TOX: variants seen among roughly 807,000 people sequenced by gnomAD.
TOX encodes the protein thymocyte selection-associated high mobility group box protein TOX.
A neutral mutation model predicts 53.7 loss-of-function variants in TOX; 11 were observed. That is an observed-to-expected ratio of 0.20 (90% CI 0.13 to 0.34). The LOEUF (loss-of-function observed/expected upper bound fraction) is 0.34, where lower values mean the gene tolerates loss of function less well. Among genes scored for constraint, TOX ranks in the 10% least tolerant of loss-of-function variants. The probability of loss-of-function intolerance (pLI) is 1.00; values close to 1 mark genes in which losing one functional copy is unlikely to be tolerated. For synonymous variants in TOX, 225 were observed against 245.3 expected (o/e 0.92, Z 0.77); for missense variants, 570 against 664.6 (o/e 0.86, Z 1.56).
chr8:58,962,750 T>C (rs1748516116), intron 1 of TOX, among the ~76,000 whole-genome samples: 1 of 152,098 alleles, frequency 6.6e-6, no homozygotes, highest in Non-Finnish European at 1.5e-5. Context: ...AGGCTGCAGG[T>C]ATATTATCCA....
rs1053829380 is a variant in TOX, at chr8:58,806,726, T to A, written c.*1021A>T. The stretch of plus-strand genomic sequence containing the variant: ...TAAAGTATTCACACCAAGCGTGAAT[T>A]TTTTTTTGCCAGCAAAAGTTAAAAC... On this transcript the variant is annotated 3_prime_UTR_variant, in exon 9 of 9. Coordinates refer to ENST00000361421, the MANE Select transcript of TOX (RefSeq NM_014729.3). 3 of 152,420 alleles carry A rather than the reference T, an allele frequency of 2.0e-5. No homozygotes were observed. The highest frequency in any genetic ancestry group is 2.0e-4 in the Admixed American group (3 of 15,268). The allele number at this position is 152,420 out of a possible 1,614,324, so 9.4% of individuals were successfully genotyped here.
intron 1 of TOX, among the ~76,000 whole-genome samples, chr8:58,994,486 A>C (rs1449691878): frequency 6.6e-6 from 1 of 151,752 alleles, no homozygotes; most frequent in Non-Finnish European, 1.5e-5. Flanking sequence ...GACCTGTCGG[A>C]AACTCCAAGT....
intron 1 of TOX, among the ~76,000 whole-genome samples, chr8:59,049,232 TC>T (rs1430903600): frequency 1.3e-5 from 2 of 152,154 alleles, no homozygotes; most frequent in Admixed American, 6.5e-5. Context: ...AGTTAATTAA[TC>T]ATTCAATTGC....
chr8:59,084,860 A>G (rs1804478750), intron 1 of TOX, among the ~76,000 whole-genome samples: 1 of 152,200 alleles, frequency 6.6e-6, no homozygotes, highest in African/African-American at 2.4e-5. Flanking sequence ...ACAGTAAAAT[A>G]CCCACAAATT....
chr8:59,043,021 T>C (rs1038689717), intron 1 of TOX, among the ~76,000 whole-genome samples: 12 of 152,156 alleles, frequency 7.9e-5, no homozygotes, highest in Admixed American at 2.0e-4. Context: ...TGTTGTAGAA[T>C]AGATCTCAAA....
chr8:58,879,400 C>T (rs1811345462), intron 3 of TOX, among the ~76,000 whole-genome samples: 2 of 152,144 alleles, frequency 1.3e-5, no homozygotes, highest in South Asian at 4.1e-4. Context: ...GTTCTCCCAA[C>T]AGAATAAAAA....
intron 1 of TOX, among the ~76,000 whole-genome samples, chr8:59,053,346 C>T (rs1270042641): frequency 6.6e-6 from 1 of 152,158 alleles, no homozygotes. Context: ...AAAAAAACAA[C>T]GGAACACATG....
intron 1 of TOX, among the ~76,000 whole-genome samples, chr8:58,965,831 A>T (rs1196279223): frequency 6.6e-6 from 1 of 150,770 alleles, no homozygotes; most frequent in Non-Finnish European, 1.5e-5. Context: ...AGAGAGGCTA[A>T]TATCCCCAAA....
chr8:59,026,445 T>A (rs1814240051), intron 1 of TOX, among the ~76,000 whole-genome samples: 1 of 152,128 alleles, frequency 6.6e-6, no homozygotes, highest in African/African-American at 2.4e-5. Flanking sequence ...GGCACAGGGA[T>A]GAGATTGATC....
At position 58,851,097 on chromosome 8, in the gene TOX, G is replaced by A. The variant is rs555768241; in HGVS notation, c.693+427C>T. On this transcript the variant is annotated intron_variant, in intron 4 of 8. Coordinates refer to ENST00000361421, the MANE Select transcript of TOX (RefSeq NM_014729.3). The surrounding 1 kb of genome is among the most constrained non-coding windows in gnomAD (Gnocchi z 4.4). ...TCCACGTCCTCAATATGAAATGGTTGGGTCAGGTGGCCACAAAGGTTTCAT... is the reference window on the plus strand; with the variant it reads ...TCCACGTCCTCAATATGAAATGGTTAGGTCAGGTGGCCACAAAGGTTTCAT... Among the ~76,000 whole-genome samples the A allele has an allele frequency of 2.1e-4, 32 of 151,830 alleles. No homozygotes were observed. The highest frequency in any genetic ancestry group is 1.3e-3 in the Admixed American group (20 of 15,228).
chr8:58,865,942 C>T (rs939848091), intron 3 of TOX, among the ~76,000 whole-genome samples: 8 of 142,106 alleles, frequency 5.6e-5, no homozygotes, highest in Non-Finnish European at 1.1e-4. Flanking sequence ...TCAAGTGATT[C>T]TCCTGCCTCA....
At chr8:59,061,276 T>C (rs987809528) in intron 1 of TOX, among the ~76,000 whole-genome samples, 14 of 152,198 alleles carry the variant, frequency 9.2e-5, no homozygotes, top group African/African-American at 2.9e-4. Context: ...CTTCAGCTTC[T>C]AAATAATCAA....
At chr8:59,071,657 G>A (rs1367155215) in intron 1 of TOX, among the ~76,000 whole-genome samples, 1 of 152,152 alleles carries the variant, frequency 6.6e-6, no homozygotes, top group Non-Finnish European at 1.5e-5. Context: ...TATCCAGGAA[G>A]CCAAAATGAA....
At chr8:58,921,857 T>C (rs1812081199) in intron 3 of TOX, among the ~76,000 whole-genome samples, 1 of 152,236 alleles carries the variant, frequency 6.6e-6, no homozygotes, top group Non-Finnish European at 1.5e-5. Context: ...TATATTTTTA[T>C]CTTAATGTTT....
At chr8:58,832,005 C>T (rs550186820) in intron 5 of TOX, among the ~76,000 whole-genome samples, 79 of 151,910 alleles carry the variant, frequency 5.2e-4, no homozygotes, top group African/African-American at 1.9e-3. Flanking sequence ...GAAACGTCTG[C>T]TTCCATGGTC....
Position 58,927,535 on chromosome 8 carries a change from C to A in TOX, c.411+11767G>T, listed in dbSNP as rs1812185148. ...CGTAAGATGAGAATCGCACCTCCCA[C>A]CTCCTGGTGTGATCGTGGGGATGAA... On this transcript the variant is annotated intron_variant, in intron 3 of 8. Transcript: ENST00000361421. Among the ~76,000 whole-genome samples the A allele has an allele frequency of 3.9e-5, 6 of 152,312 alleles. No individual in the cohort carries two copies. The South Asian group carries it at 1.2e-3, about 32-fold the overall frequency.
chr8:58,856,614 C>A (rs1810920500), intron 3 of TOX, among the ~76,000 whole-genome samples: 1 of 152,162 alleles, frequency 6.6e-6, no homozygotes, highest in Admixed American at 6.5e-5. Context: ...AAATGGGCCC[C>A]TCTAGCTGGC....
At chr8:58,810,890 T>C (rs1810066568) in intron 7 of TOX, among the ~76,000 whole-genome samples, 2 of 150,338 alleles carry the variant, frequency 1.3e-5, no homozygotes, top group Non-Finnish European at 3.0e-5. Context: ...CCAATGAAAA[T>C]AGTTCTCAGG....
chr8:59,076,456 C>T (rs554819068), intron 1 of TOX, among the ~76,000 whole-genome samples: 1 of 152,272 alleles, frequency 6.6e-6, no homozygotes, highest in East Asian at 1.9e-4. Flanking sequence ...AATCTGGAGT[C>T]AAATCAAGTA....
Sources: allele counts gnomAD v4.1 joint callset (sites outside exome capture counted in the v4.1 genomes callset), GRCh38; gene constraint gnomAD v4.1.1; non-coding constraint Gnocchi (gnomAD v3.1); transcripts MANE v1.5; gene names NCBI Gene and HGNC (gene_info 2026-07-23, HGNC 2026-07-21).